The following RBM23 variants were observed in gnomAD, a reference collection of about 807,000 sequenced individuals.
RBM23 encodes the protein probable RNA-binding protein 23.
A neutral mutation model predicts 56.2 loss-of-function variants in RBM23; 53 were observed. The observed-to-expected ratio is 0.94, with a 90% CI of 0.76 to 1.19. The LOEUF (loss-of-function observed/expected upper bound fraction) is 1.19, where lower values mean the gene tolerates loss of function less well. Among genes scored for constraint, RBM23 ranks in the 50% most tolerant of loss-of-function variants. The pLI, the probability that RBM23 is intolerant of heterozygous loss-of-function variation, is 0.00. For missense variants in RBM23, 642 were observed against 590.3 expected, an observed-to-expected ratio of 1.09 and a Z score of -0.91; for synonymous variants, 197 against 198.5, an observed-to-expected ratio of 0.99 and a Z score of 0.06.
At position 22,901,600 on chromosome 14, in the gene RBM23, T is replaced by C; in HGVS notation, c.*130A>G. The C allele has an allele frequency of 7.3e-7, 1 of 1,375,044 alleles. No individual in the cohort carries two copies. The highest frequency in any genetic ancestry group is 2.3e-5 in the East Asian group (1 of 43,374). The allele number at this position is 1,375,044 out of a possible 1,614,324, so 85.2% of individuals were successfully genotyped here. A position where few individuals can be genotyped will look rare whatever the true frequency, so the allele number is the denominator to read the frequency against. On this transcript the variant is annotated 3_prime_UTR_variant, in exon 14 of 14. Coordinates refer to ENST00000359890, the MANE Select transcript of RBM23 (RefSeq NM_001077351.2). ...CTTGGTATCTTAAGGGTGGCCCCAA[T>C]TTCCTCAGAGACAATGTCCATGCCC...
chr14:22,902,832 T>G, intron 10 of RBM23: 6 of 935,074 alleles, frequency 6.4e-6, no homozygotes, highest in Non-Finnish European at 7.5e-6. Context: ...TAGAGTGCAG[T>G]GGCACCATGT....
intron 12 of RBM23, 30 bp from the exon 13 acceptor site, chr14:22,901,913 C>T (rs201317691): frequency 1.4e-5 from 23 of 1,614,094 alleles, no homozygotes; most frequent in Middle Eastern, 1.6e-4. Flanking sequence ...AGTGAGTGAG[C>T]AAGCACCGCG....
rs1056782934 is a variant in RBM23, at chr14:22,899,533, A to G, written c.*2197T>C. The G allele has an allele frequency of 1.3e-5, 2 of 152,140 alleles. No individual in the cohort carries two copies. Among genetic ancestry groups the G allele is most frequent in the African/African-American group, 4.8e-5 (2 of 41,378 alleles). The allele number at this position is 152,140 out of a possible 1,614,324, so 9.4% of individuals were successfully genotyped here. A position where few individuals can be genotyped will look rare whatever the true frequency, so the allele number is the denominator to read the frequency against. On this transcript the variant is annotated 3_prime_UTR_variant, in exon 14 of 14. Transcript: ENST00000359890. ...GTAGCTGGGATTACAGGCACCCACC[A>G]CCATGCCCAGCTACTTTTTGTATTT...
rs978704289 is a variant in RBM23, at chr14:22,899,239, G to C, written c.*2491C>G. The C allele has an allele frequency of 3.9e-5, 6 of 152,132 alleles. No homozygotes were observed. The highest frequency in any genetic ancestry group is 4.4e-5 in the Non-Finnish European group (3 of 68,038). 9.4% of individuals were successfully genotyped at this position (152,132 alleles called of 1,614,324 possible). A position where few individuals can be genotyped will look rare whatever the true frequency, so the allele number is the denominator to read the frequency against. On this transcript the variant is annotated 3_prime_UTR_variant, in exon 14 of 14. Coordinates refer to ENST00000359890, the MANE Select transcript of RBM23 (RefSeq NM_001077351.2). Reference sequence around the variant, plus strand: ...CACACAGCAGGTTATCATGAGAGAGGGCTGTTATAAAGCAAGTTTGGCCCA... The same window carrying C: ...CACACAGCAGGTTATCATGAGAGAGCGCTGTTATAAAGCAAGTTTGGCCCA...
At position 22,895,921 on chromosome 14, in the gene RBM23, C is replaced by T. The variant is rs2040241445; in HGVS notation, c.*5809G>A. 1 of 152,174 alleles carries T rather than the reference C, an allele frequency of 6.6e-6. No individual in the cohort carries two copies. Among genetic ancestry groups the T allele is most frequent in the African/African-American group, 2.4e-5 (1 of 41,430 alleles). The allele number at this position is 152,174 out of a possible 1,614,324, so 9.4% of individuals were successfully genotyped here. On this transcript the variant is annotated 3_prime_UTR_variant, in exon 14 of 14. Transcript: ENST00000359890. ...AAATCTAACTATGTGGACAGAGCCT[C>T]AAGCATAAAGAGATTGGGCTAGTGG...
Position 22,906,237 on chromosome 14 carries a change from C to A in RBM23, c.359G>T (p.Arg120Leu), listed in dbSNP as rs200437602. ...ACTCCTGTAATGCACACGATCCTCA[C>A]GACGATGGTCCCGACTTCGCGACTC... ...GSESRSRDHR[R>L]EDRVHYRSPP... The change falls in exon 5 of 14, where the codon CGT (arginine) becomes CTT (leucine). Residue 120 changes from arginine (R) to leucine (L), a missense_variant. Physicochemically the swap from Arg to Leu is moderately radical, Grantham distance 102 (BLOSUM62 -2). Transcript: ENST00000359890. The A allele has an allele frequency of 6.6e-5, 106 of 1,614,094 alleles. No individual in the cohort carries two copies. The highest frequency in any genetic ancestry group is 8.3e-5 in the Non-Finnish European group (98 of 1,180,034).
At chr14:22,909,654 A>G (rs552009259) in intron 2 of RBM23, 59 bp from the exon 3 acceptor site, 46 of 1,314,058 alleles carry the variant, frequency 3.5e-5, no homozygotes, top group Non-Finnish European at 4.9e-5. Flanking sequence ...ACAGATTCCA[A>G]TGGGCAAAGG....
intron 10 of RBM23, chr14:22,903,811 C>G: frequency 9.3e-7 from 1 of 1,073,046 alleles, no homozygotes; most frequent in Non-Finnish European, 1.1e-6. Context: ...CATAGTGCTA[C>G]GTTAATAACT....
rs374321446 is a variant in RBM23, at chr14:22,905,117, G to A, written c.703C>T (p.Pro235Ser). ...GLTGQRLLGV[P>S]IIVQASQAEK... ...ACCTGTGAAGCCTGTACAATGATAG[G>A]CACTCCCAGCAACCGCTGCCCAGTC... is the stretch of plus-strand genomic sequence containing the variant. Residue 235 changes from proline (P) to serine (S), a missense_variant, in exon 8 of 14, where the codon CCT becomes TCT. Transcript: ENST00000359890. 1 of 1,614,116 alleles carries A rather than the reference G, an allele frequency of 6.2e-7. No individual in the cohort carries two copies. The highest frequency in any genetic ancestry group is 2.2e-5 in the East Asian group (1 of 44,890).
In RBM23 at chr14:22,901,798, A is replaced by G. The variant is rs769835633; in HGVS notation, c.1316+16T>C. ...GAATAATCAAAGGCTAGAATGAGCT[A>G]GACCCTGAGACTCACATGGTCTGGG... On this transcript the variant is annotated intron_variant, in intron 13 of 13. Transcript: ENST00000359890. The G allele has an allele frequency of 6.2e-7, 1 of 1,614,132 alleles. No homozygotes were observed. The highest frequency in any genetic ancestry group is 1.7e-5 in the Admixed American group (1 of 60,026).
At position 22,893,480 on chromosome 14, in the gene RBM23, C is replaced by T. The variant is rs553647389; in HGVS notation, c.*8250G>A. 1 of 152,270 alleles carries T rather than the reference C, an allele frequency of 6.6e-6. No homozygotes were observed. Among genetic ancestry groups the T allele is most frequent in the African/African-American group, 2.4e-5 (1 of 41,538 alleles). The allele number at this position is 152,270 out of a possible 1,614,324, so 9.4% of individuals were successfully genotyped here. A position where few individuals can be genotyped will look rare whatever the true frequency, so the allele number is the denominator to read the frequency against. On this transcript the variant is annotated 3_prime_UTR_variant, in exon 14 of 14. Coordinates refer to ENST00000359890, the MANE Select transcript of RBM23 (RefSeq NM_001077351.2). The stretch of plus-strand genomic sequence containing the variant: ...ACAAAACAGGCAAAATAGCAGCAAA[C>T]AATACCACATTCTATCTAACTGGGG...
At chr14:22,916,586 G>A (rs986477228) in intron 1 of RBM23, among the ~76,000 whole-genome samples, 2 of 151,312 alleles carry the variant, frequency 1.3e-5, no homozygotes, top group African/African-American at 4.9e-5. Context: ...GATCAGAAAG[G>A]TTTTCTGACT....
At chr14:22,903,824 T>C (rs1347059241) in intron 10 of RBM23, 1 of 1,109,904 alleles carries the variant, frequency 9.0e-7, no homozygotes, top group East Asian at 6.9e-5. Flanking sequence ...TAATAACTGA[T>C]CCTTCTCGGT....
chr14:22,907,360 T>G (rs1469355975), intron 4 of RBM23, among the ~76,000 whole-genome samples: 1 of 151,234 alleles, frequency 6.6e-6, no homozygotes, highest in East Asian at 1.9e-4. Context: ...AAAGAAAAAA[T>G]AAGACCCAGT....
At position 22,902,386 on chromosome 14, in the gene RBM23, T is replaced by G; in HGVS notation, c.931-4A>C. The stretch of plus-strand genomic sequence containing the variant: ...GGGCACACTCAGAATCAGAGAACTA[T>G]GAGAAACCCAGGCCATGTTAGTCAC... On this transcript the variant is annotated splice_region_variant and splice_polypyrimidine_tract_variant and intron_variant, in intron 10 of 13. Transcript: ENST00000359890. 8 of 1,608,564 alleles carry G rather than the reference T, an allele frequency of 5.0e-6. No individual in the cohort carries two copies. The highest frequency in any genetic ancestry group is 6.8e-6 in the Non-Finnish European group (8 of 1,175,308).
rs1333474472 is a variant in RBM23, at chr14:22,901,040, T to G, written c.*690A>C. The G allele has an allele frequency of 6.6e-6, 1 of 152,370 alleles. No individual in the cohort carries two copies. Among genetic ancestry groups the G allele is most frequent in the Non-Finnish European group, 1.5e-5 (1 of 68,060 alleles). 9.4% of individuals were successfully genotyped at this position (152,370 alleles called of 1,614,324 possible). On this transcript the variant is annotated 3_prime_UTR_variant, in exon 14 of 14. Coordinates refer to ENST00000359890, the MANE Select transcript of RBM23 (RefSeq NM_001077351.2). ...TACTGGAAAGGCATACTCCACCTTT[T>G]ACTAAATTCCTGAAAGCCCCTAAAT...
Position 22,901,804 on chromosome 14 carries a change from T to G in RBM23, c.1316+10A>C. 1 of 1,614,084 alleles carries G rather than the reference T, an allele frequency of 6.2e-7. No individual in the cohort carries two copies. Among genetic ancestry groups the G allele is most frequent in the South Asian group, 1.1e-5 (1 of 91,076 alleles). ...TCAAAGGCTAGAATGAGCTAGACCC[T>G]GAGACTCACATGGTCTGGGGGGTAA... is the stretch of plus-strand genomic sequence containing the variant. On this transcript the variant is annotated intron_variant, in intron 13 of 13. Coordinates refer to ENST00000359890, the MANE Select transcript of RBM23 (RefSeq NM_001077351.2).
intron 1 of RBM23, among the ~76,000 whole-genome samples, chr14:22,915,541 G>A (rs1346198110): frequency 7.1e-6 from 1 of 139,996 alleles, no homozygotes; most frequent in African/African-American, 2.7e-5. Flanking sequence ...TGTTGTCCAG[G>A]CTGGAGTGCG....
chr14:22,906,510 T>A, intron 4 of RBM23, 142 bp from the exon 5 acceptor site: 1 of 966,708 alleles, frequency 1.0e-6, no homozygotes, highest in Non-Finnish European at 1.5e-6. Flanking sequence ...TGTAATGTCG[T>A]AATGTATTAC....
Sources: allele counts gnomAD v4.1 joint callset (sites outside exome capture counted in the v4.1 genomes callset), GRCh38; gene constraint gnomAD v4.1.1; transcripts MANE v1.5; gene names NCBI Gene and HGNC (gene_info 2026-07-23, HGNC 2026-07-21).